ABCC8: variants seen among roughly 807,000 people sequenced by gnomAD.
ABCC8 encodes the protein ATP binding cassette subfamily C member 8, also known as ATP-binding cassette sub-family C member 8.
Under a neutral mutation model 188.0 loss-of-function variants are expected in ABCC8, and 137 were observed. The ratio of observed to expected loss-of-function variants is 0.73; its 90% CI spans 0.63 to 0.84. The LOEUF is 0.84. Among genes scored for constraint, ABCC8 ranks in the 40% least tolerant of loss-of-function variants. The pLI, the probability that ABCC8 is intolerant of heterozygous loss-of-function variation, is 0.00. For synonymous variants in ABCC8, 797 were observed against 846.5 expected (o/e 0.94, Z 1.01); for missense variants, 1,750 against 2,072.7 (o/e 0.84, Z 3.02).
rs765626111 is a variant in ABCC8 at position 17,412,715 on chromosome 11, C to T, written c.2507G>A (p.Arg836Gln). Residue 836 changes from arginine to glutamine, a missense_variant, in exon 21 of 39, where the codon CGA (arginine) becomes CAA (glutamine). By Grantham distance (43) the Arg-to-Gln change is conservative. Transcript: ENST00000389817. ...GINLSGGQRQ[R>Q]ISVARALYQH... ...GTAGAGGGCTCGGGCCACACTGATT[C>T]GCTGGCGTTGACCACCAGACAGGTT... 1 of 1,611,846 alleles carries T rather than the reference C, an allele frequency of 6.2e-7. No individual in the cohort carries two copies. The highest frequency in any genetic ancestry group is 1.1e-5 in the South Asian group (1 of 90,370).
chr11:17,398,129 A>G (rs1202117535), intron 30 of ABCC8, among the ~76,000 whole-genome samples: 6 of 152,116 alleles, frequency 3.9e-5, no homozygotes, highest in African/African-American at 1.4e-4. Flanking sequence ...ACTGGCACAC[A>G]CCTCAGATAC....
chr11:17,394,498 TG>T, intron 36 of ABCC8, 99 bp from the exon 37 acceptor site: 4 of 1,583,442 alleles, frequency 2.5e-6, no homozygotes, highest in Non-Finnish European at 2.6e-6. Flanking sequence ...AATGTGTGCA[TG>T]GGGGCAAATA....
chr11:17,421,662 A>G (rs1276592408), intron 16 of ABCC8, among the ~76,000 whole-genome samples: 1 of 152,194 alleles, frequency 6.6e-6, no homozygotes, highest in Non-Finnish European at 1.5e-5. Flanking sequence ...ACTACATGCT[A>G]GGTTAATCCT....
rs1333147638 is a variant in ABCC8, at chr11:17,473,265, T to C, written c.290+1621A>G. On this transcript the variant is annotated intron_variant, in intron 2 of 38. Coordinates refer to ENST00000389817, the MANE Select transcript of ABCC8 (RefSeq NM_000352.6). ...GGCATTTGTGCTACTTTGGAAGGGGTGTAGGGGTGGGGGTGGAGGCGGACT... is the reference window on the plus strand; with the variant it reads ...GGCATTTGTGCTACTTTGGAAGGGGCGTAGGGGTGGGGGTGGAGGCGGACT... Among the ~76,000 whole-genome samples, 3 of 150,544 alleles carry C rather than the reference T, an allele frequency of 2.0e-5. No homozygotes were observed. In the East Asian group the frequency reaches 5.9e-4, roughly 30 times the overall value.
chr11:17,424,340 A>T (rs1187805366), intron 16 of ABCC8, among the ~76,000 whole-genome samples: 1 of 152,216 alleles, frequency 6.6e-6, no homozygotes, highest in Non-Finnish European at 1.5e-5. Flanking sequence ...AAAATAATAA[A>T]AAAAAGAAGT....
At chr11:17,435,293 A>C (rs1329111145) in intron 10 of ABCC8, among the ~76,000 whole-genome samples, 1 of 151,658 alleles carries the variant, frequency 6.6e-6, no homozygotes, top group African/African-American at 2.4e-5. Context: ...CCAAAGCCTC[A>C]CCCCCAGCCC....
Position 17,427,887 on chromosome 11 carries a change from A to G in ABCC8, c.2096T>C (p.Ile699Thr). The G allele has an allele frequency of 6.2e-7, 1 of 1,614,038 alleles. No homozygotes were observed. Among genetic ancestry groups the G allele is most frequent in the Non-Finnish European group, 8.5e-7 (1 of 1,179,960 alleles). The change falls in exon 15 of 39, where the codon ATC (isoleucine) becomes ACC (threonine). Residue 699 changes from isoleucine (I) to threonine (T), a missense_variant. Ile to Thr is a moderately conservative substitution (Grantham distance 89). Coordinates refer to ENST00000389817, the MANE Select transcript of ABCC8 (RefSeq NM_000352.6). This position sits in a 1 kb window ranked among gnomAD's most constrained non-coding sequence, Gnocchi z 5.0. ...CATACCTCGGGGGATACGAATGGTG[A>G]TGTTGGACAGTGTGGGGATTCCATC... ...TPDGIPTLSN[I>T]TIRIPRGQLT...
rs1057524701 is a variant in ABCC8, at chr11:17,461,612, G to A, written c.793C>T (p.Arg265Trp). The A allele has an allele frequency of 9.9e-6, 16 of 1,614,112 alleles. No individual in the cohort carries two copies. The highest frequency in any genetic ancestry group is 2.2e-5 in the East Asian group (1 of 44,892). ...TGGGCGTCAAAGGCCTCGCAGAGCC[G>A]TTGGTAGTTGGTGAGGGCCCTCATG... is the stretch of plus-strand genomic sequence containing the variant. ...IAMRALTNYQ[R>W]LCEAFDAQVR... The change falls in exon 5 of 39, where the codon CGG becomes TGG. Residue 265 changes from arginine (R) to tryptophan (W), a missense_variant. Physicochemically the swap from Arg to Trp is moderately radical, Grantham distance 101. Transcript: ENST00000389817.
chr11:17,445,684 A>G (rs1956496826), intron 8 of ABCC8, among the ~76,000 whole-genome samples: 1 of 152,234 alleles, frequency 6.6e-6, no homozygotes, highest in African/African-American at 2.4e-5. Context: ...CTGGTTCTTG[A>G]GTGCTGGTCA....
intron 10 of ABCC8, among the ~76,000 whole-genome samples, chr11:17,434,157 G>A (rs1327768243): frequency 1.3e-5 from 2 of 152,170 alleles, no homozygotes; most frequent in Non-Finnish European, 2.9e-5. Flanking sequence ...GCAACTGGGA[G>A]GGCAGGGGCC....
intron 11 of ABCC8, 124 bp from the exon 12 acceptor site, chr11:17,431,083 T>C (rs1192103538): frequency 6.8e-7 from 1 of 1,470,076 alleles, no homozygotes. Context: ...AAGAGGATCT[T>C]TTAGTTGGAG....
chr11:17,399,862 A>G (rs1423237056), intron 29 of ABCC8, among the ~76,000 whole-genome samples: 1 of 152,170 alleles, frequency 6.6e-6, no homozygotes, highest in East Asian at 1.9e-4. Flanking sequence ...TTAGGTCCTC[A>G]TCATGTTTTC....
intron 2 of ABCC8, among the ~76,000 whole-genome samples, chr11:17,472,239 C>T (rs1036640969): frequency 2.0e-5 from 3 of 152,260 alleles, no homozygotes; most frequent in East Asian, 3.9e-4. Context: ...TTAAATAATA[C>T]ACATTCAATT....
chr11:17,399,888 A>G (rs1954147866), intron 29 of ABCC8, among the ~76,000 whole-genome samples: 1 of 152,138 alleles, frequency 6.6e-6, no homozygotes, highest in Non-Finnish European at 1.5e-5. Flanking sequence ...GTTACTGCGC[A>G]TGGACCTGCC....
intron 1 of ABCC8, among the ~76,000 whole-genome samples, chr11:17,475,391 A>AT (rs1273394136): frequency 6.6e-6 from 1 of 151,642 alleles, no homozygotes; most frequent in Non-Finnish European, 1.5e-5. Flanking sequence ...CTAATTTTTA[A>AT]TTTTTTGTAG....
At chr11:17,457,818 G>A (rs1354328131) in intron 6 of ABCC8, among the ~76,000 whole-genome samples, 1 of 152,224 alleles carries the variant, frequency 6.6e-6, no homozygotes, top group African/African-American at 2.4e-5. Context: ...TAGGAAGGAA[G>A]AGTGATGATG....
At position 17,442,712 on chromosome 11, in the gene ABCC8, G is replaced by A. The variant is rs200053398; in HGVS notation, c.1630+8C>T. ...GCACCCAGGGCTGGCTGTGTGGGGT[G>A]AACTCACTGGAGATGGAGGTATAGA... On this transcript the variant is annotated splice_region_variant and intron_variant, in intron 10 of 38. Transcript: ENST00000389817. 62 of 1,613,186 alleles carry A rather than the reference G, an allele frequency of 3.8e-5. No individual in the cohort carries two copies. In the African/African-American group the frequency reaches 7.6e-4, roughly 20 times the overall value.
intron 11 of ABCC8, 136 bp downstream of exon 11, chr11:17,432,068 G>T: frequency 1.6e-6 from 2 of 1,235,270 alleles, no homozygotes; most frequent in South Asian, 2.9e-5. Flanking sequence ...ATAAACTTTC[G>T]ATCCTATTTT....
In ABCC8 at chr11:17,443,315, G is replaced by A. The variant is rs1165915362; in HGVS notation, c.1333-3C>T. 1.2e-6 allele frequency: 2 copies of A among 1,614,108 alleles called. No individual in the cohort carries two copies. The highest frequency in any genetic ancestry group is 2.2e-5 in the South Asian group (2 of 91,080). On this transcript the variant is annotated splice_polypyrimidine_tract_variant and splice_region_variant and intron_variant, in intron 8 of 38. Transcript: ENST00000389817. ...AGGAGAATCACACCCACAATGATCT[G>A]AGGAAGGGGTCATGGGTCAGGTCCC...
Sources: gnomAD v4.1 joint callset for allele counts (sites outside exome capture counted in the v4.1 genomes callset) on GRCh38, gnomAD v4.1.1 for gene constraint, Gnocchi (gnomAD v3.1) non-coding constraint, MANE v1.5 for transcripts, NCBI Gene and HGNC (gene_info 2026-07-23, HGNC 2026-07-21) for gene names.